Variants in DCT observed in about 807,000 individuals in gnomAD.
DCT encodes dopachrome tautomerase, also known as L-dopachrome tautomerase.
A neutral mutation model predicts 53.0 loss-of-function variants in DCT; 47 were observed. The ratio of observed to expected loss-of-function variants is 0.89; its 90% CI spans 0.70 to 1.13. The LOEUF (loss-of-function observed/expected upper bound fraction) is 1.13. DCT is among the 50% of genes most tolerant of loss of function. The pLI is 0.00. For missense variants in DCT, 669 were observed against 637.4 expected, an observed-to-expected ratio of 1.05 and a Z score of -0.53; for synonymous variants, 244 against 237.0, an observed-to-expected ratio of 1.03 and a Z score of -0.27.
At chr13:94,473,415 A>C (rs1344874824) in intron 1 of DCT, among the ~76,000 whole-genome samples, 1 of 152,188 alleles carries the variant, frequency 6.6e-6, no homozygotes, top group South Asian at 2.1e-4. Context: ...AGGTGTATTA[A>C]ATGCATTTTT....
chr13:94,445,053 GT>G (rs1054492888), intron 6 of DCT, among the ~76,000 whole-genome samples: 8 of 152,230 alleles, frequency 5.3e-5, no homozygotes, highest in Admixed American at 1.3e-4. Context: ...TACTAAGTAT[GT>G]GTTGGCTGAT....
chr13:94,547,770 A>C, the DCT span, among the ~76,000 whole-genome samples: 1 of 151,558 alleles, frequency 6.6e-6, no homozygotes, highest in African/African-American at 2.4e-5. Context: ...CGGGTGGATT[A>C]CTTGAGGTCA....
the DCT span, among the ~76,000 whole-genome samples, chr13:94,525,515 A>C: frequency 0.4 from 61,335 of 151,894 alleles, 13,113 homozygotes; most frequent in East Asian, 0.62. Flanking sequence ...TGCCATCTTT[A>C]TTCTGTCTTT....
chr13:94,462,166 A>C lies in DCT; in HGVS notation c.887T>G (p.Val296Gly), dbSNP rs988866489. 42 of 1,613,178 alleles carry C rather than the reference A, an allele frequency of 2.6e-5. No homozygotes were observed. Among genetic ancestry groups the C allele is most frequent in the Non-Finnish European group, 3.6e-5 (42 of 1,179,540 alleles). Residue 296 changes from valine to glycine, a missense_variant, in exon 5 of 8, where the codon GTC becomes GGC. Transcript: ENST00000377028. ...TTCATAGGTTCCATTGCACAAGGTG[A>C]CCAGGTGGTTGTAGTCATCCAAGCT... ...CDSLDDYNHL[V>G]TLCNGTYEGL... is the part of the protein sequence containing the mutation.
chr13:94,512,477 T>C, the DCT span, among the ~76,000 whole-genome samples: 98 of 152,292 alleles, frequency 6.4e-4, 1 homozygote, highest in Admixed American at 1.2e-3. Context: ...TTCTTGCCAT[T>C]TAAAAATAAA....
At chr13:94,447,900 A>C (rs756652691) in intron 6 of DCT, among the ~76,000 whole-genome samples, 29 of 152,186 alleles carry the variant, frequency 1.9e-4, no homozygotes, top group Non-Finnish European at 4.3e-4. Context: ...AGGGGAAAAT[A>C]ATAAGGAGGA....
chr13:94,456,140 C>T (rs925225260), intron 6 of DCT, among the ~76,000 whole-genome samples: 4 of 152,236 alleles, frequency 2.6e-5, no homozygotes. Flanking sequence ...GATAAGCCCC[C>T]ACCTTGTTAG....
At chr13:94,511,360 CTCTT>C in the DCT span, among the ~76,000 whole-genome samples, 5 of 141,062 alleles carry the variant, frequency 3.5e-5, no homozygotes, top group Non-Finnish European at 4.5e-5. Flanking sequence ...CTCTCTCTCT[CTCTT>C]TTTTTTTTTT....
intron 3 of DCT, 134 bp downstream of exon 3, chr13:94,466,424 T>C (rs2139343694): frequency 1.8e-6 from 1 of 549,882 alleles, no homozygotes; most frequent in South Asian, 2.9e-5. Flanking sequence ...GTATGTTAAT[T>C]TACTTTAGTG....
At chr13:94,463,470 TGTCAGGCTGGTTGGTCACCATGTTG>T (rs71712428) in intron 4 of DCT, among the ~76,000 whole-genome samples, 21,314 of 151,964 alleles carry the variant, frequency 0.14, 1,626 homozygotes, top group South Asian at 0.19. Flanking sequence ...GAGACAGAGC[TGTCAGGCTGGTTGGTCACCATGTTG>T]GTCAGGCTGG....
intron 6 of DCT, chr13:94,445,713 G>T: frequency 6.3e-7 from 1 of 1,579,974 alleles, no homozygotes; most frequent in East Asian, 2.3e-5. Context: ...CCAGGCTCAT[G>T]GTTACCAGCA....
At chr13:94,481,270 T>G (rs1442583513), upstream of DCT, among the ~76,000 whole-genome samples, 1 of 152,206 alleles carries the variant, frequency 6.6e-6, no homozygotes, top group Non-Finnish European at 1.5e-5. Context: ...CCAGACAAAG[T>G]CACATTCACA....
At chr13:94,470,717 C>T (rs549153641) in intron 1 of DCT, among the ~76,000 whole-genome samples, 4 of 152,278 alleles carry the variant, frequency 2.6e-5, no homozygotes, top group African/African-American at 4.8e-5. Context: ...TCTTTACCTG[C>T]GTGATCCATT....
At chr13:94,484,699 G>A in the DCT span, among the ~76,000 whole-genome samples, 2 of 152,238 alleles carry the variant, frequency 1.3e-5, no homozygotes, top group South Asian at 4.1e-4. Context: ...ATGCACTTCT[G>A]GTGCCTTCTC....
the DCT span, among the ~76,000 whole-genome samples, chr13:94,490,521 A>C: frequency 4.7e-5 from 7 of 147,598 alleles, no homozygotes; most frequent in African/African-American, 1.7e-4. Flanking sequence ...AAAAAAAAAA[A>C]AAAAAAAAAA....
the DCT span, among the ~76,000 whole-genome samples, chr13:94,532,538 A>C: frequency 1.3e-5 from 2 of 152,364 alleles, no homozygotes; most frequent in Non-Finnish European, 2.9e-5. Context: ...TCACGAGGAC[A>C]GAAAACCAAA....
intron 6 of DCT, among the ~76,000 whole-genome samples, chr13:94,448,825 A>G (rs1165922731): frequency 6.6e-6 from 1 of 151,754 alleles, no homozygotes; most frequent in Non-Finnish European, 1.5e-5. Context: ...AGTCACTTGA[A>G]CTCGGGAGGT....
chr13:94,526,282 T>A, the DCT span, among the ~76,000 whole-genome samples: 1 of 152,216 alleles, frequency 6.6e-6, no homozygotes, highest in Non-Finnish European at 1.5e-5. Context: ...AATGCACAAT[T>A]TCTGTCTTCA....
chr13:94,525,642 C>T, the DCT span, among the ~76,000 whole-genome samples: 1 of 152,132 alleles, frequency 6.6e-6, no homozygotes, highest in Non-Finnish European at 1.5e-5. Flanking sequence ...ATATTAAACG[C>T]AACTCTTGAG....
Sources: allele counts gnomAD v4.1 joint callset (sites outside exome capture counted in the v4.1 genomes callset), GRCh38; gene constraint gnomAD v4.1.1; transcripts MANE v1.5; gene names NCBI Gene and HGNC (gene_info 2026-07-23, HGNC 2026-07-21).